The following RNF38 variants were observed in gnomAD, a reference collection of about 807,000 sequenced individuals.
RNF38 encodes the protein E3 ubiquitin-protein ligase RNF38.
RNF38 carries 15 observed loss-of-function variants against 67.2 expected under a neutral mutation model. That is an observed-to-expected ratio of 0.22 (90% CI 0.15 to 0.34). The LOEUF (loss-of-function observed/expected upper bound fraction) is 0.34, where lower values mean the gene tolerates loss of function less well. RNF38 is among the 10% of genes least tolerant of loss of function. The pLI is 1.00. For synonymous variants in RNF38, 220 were observed against 218.8 expected (o/e 1.01, Z -0.05); for missense variants, 524 against 639.9 (o/e 0.82, Z 1.95).
At chr9:36,426,415 TA>T (rs1644396229) in intron 1 of RNF38, among the ~76,000 whole-genome samples, 1 of 152,200 alleles carries the variant, frequency 6.6e-6, no homozygotes, top group African/African-American at 2.4e-5. Context: ...AACAGAATCA[TA>T]AAACATGTGG....
chr9:36,479,785 G>C (rs572237280), intron 1 of RNF38, among the ~76,000 whole-genome samples: 1 of 152,100 alleles, frequency 6.6e-6, no homozygotes, highest in East Asian at 1.9e-4. Flanking sequence ...AAAGCCAAAT[G>C]AAAAATACTT....
rs563262081 is a variant in RNF38 at position 36,338,423 on chromosome 9, A to G, written c.*1329T>C. ...TTAAAAGGAAAGGCAGTAAAATATC[A>G]AAACAAATCAGGTCTAAGGAACATG... On this transcript the variant is annotated 3_prime_UTR_variant, in exon 12 of 12. Transcript: ENST00000259605. 1.3e-5 allele frequency: 2 copies of G among 152,354 alleles called. No homozygotes were observed. The highest frequency in any genetic ancestry group is 2.1e-4 in the South Asian group (1 of 4,830). The allele number at this position is 152,354 out of a possible 1,614,324, so 9.4% of individuals were successfully genotyped here.
Position 36,356,341 on chromosome 9 carries a change from C to T in RNF38, c.871G>A (p.Gly291Ser), listed in dbSNP as rs1834104500. The change falls in exon 6 of 12, where the codon GGC becomes AGC. Residue 291 changes from glycine (G) to serine (S), a missense_variant. Gly to Ser is a moderately conservative substitution (Grantham distance 56). Coordinates refer to ENST00000259605, the MANE Select transcript of RNF38 (RefSeq NM_022781.5). The part of the protein sequence containing the change: ...PHHPPHLPPP[G>S]QFVPFQTQQS... ...TGTGTTTGGAAAGGGACAAACTGGC[C>T]TGGTGGTGGCAAATGAGGAGGATGA... The T allele has an allele frequency of 1.2e-6, 2 of 1,613,762 alleles. No homozygotes were observed. Among genetic ancestry groups the T allele is most frequent in the Non-Finnish European group, 1.7e-6 (2 of 1,179,964 alleles).
chr9:36,357,875 C>T lies in RNF38; in HGVS notation c.638G>A (p.Cys213Tyr), dbSNP rs763407111. The T allele has an allele frequency of 2.5e-6, 4 of 1,613,808 alleles. No individual in the cohort carries two copies. The African/African-American group carries it at 5.3e-5, about 22-fold the overall frequency. ...TTVAPHGIPL[C>Y]TGQHIPACST... The stretch of plus-strand genomic sequence containing the variant: ...ACAAGCAGGGATGTGCTGGCCTGTG[C>T]AGAGTGGAATCCCATGTGGTGCCAC... The change falls in exon 5 of 12, where the codon TGC (cysteine) becomes TAC (tyrosine). Residue 213 changes from cysteine (C) to tyrosine (Y), a missense_variant. Cys to Tyr is a radical substitution (Grantham distance 194). Around this residue, in one of 2 missense-constraint regions of RNF38, gnomAD observed 461 missense variants for 517.4 expected, o/e 0.89. Transcript: ENST00000259605.
At chr9:36,442,052 A>C (rs2134301809) in intron 1 of RNF38, among the ~76,000 whole-genome samples, 1 of 152,252 alleles carries the variant, frequency 6.6e-6, no homozygotes, top group South Asian at 2.1e-4. Context: ...AACCATCAAT[A>C]GCTTCCTCCT....
rs116342697 is a variant in RNF38, at chr9:36,415,625, C to A, written n.312+8988G>T. On this transcript the variant is annotated intron_variant and non_coding_transcript_variant, in intron 2 of 3. Transcript: ENST00000488058. ...AGCCACCTAGTAGAGCTACTGGGGT[C>A]CGGGCTGGTACTGGGGAGTGTCTGC... Among the ~76,000 whole-genome samples, 112 of 152,174 alleles carry A rather than the reference C, an allele frequency of 7.4e-4. 2 individuals carry two copies. In the South Asian group the frequency reaches 0.022, roughly 30 times the overall value.
chr9:36,401,176 T>C (rs1838009403), upstream of RNF38: 2 of 982,358 alleles, frequency 2.0e-6, no homozygotes, highest in Non-Finnish European at 2.4e-6. Flanking sequence ...CGAACCCCCT[T>C]TGTTTCCACC....
At chr9:36,480,014 T>G (rs1156384660) in intron 1 of RNF38, among the ~76,000 whole-genome samples, 1 of 152,166 alleles carries the variant, frequency 6.6e-6, no homozygotes, top group Non-Finnish European at 1.5e-5. Flanking sequence ...AGTCTCACTC[T>G]GTCGCCCAGG....
chr9:36,390,621 G>T lies in RNF38; in HGVS notation c.13-5C>A, dbSNP rs1393784232. On this transcript the variant is annotated splice_region_variant and splice_polypyrimidine_tract_variant and intron_variant, in intron 1 of 11. Coordinates refer to ENST00000259605, the MANE Select transcript of RNF38 (RefSeq NM_022781.5). ...TGAATTGGCCCCGGGAGATATCTGG[G>T]AAAAAGAGGAAGAAAAGGATAGTTC... 6.2e-7 allele frequency: 1 copy of T among 1,613,264 alleles called. No homozygotes were observed. The highest frequency in any genetic ancestry group is 1.3e-5 in the African/African-American group (1 of 74,986).
chr9:36,385,955 G>A (rs998871942), intron 2 of RNF38, among the ~76,000 whole-genome samples: 2 of 152,146 alleles, frequency 1.3e-5, no homozygotes, highest in Non-Finnish European at 2.9e-5. Flanking sequence ...TTTTTGCTGG[G>A]AAAAGCCTTC....
chr9:36,459,152 G>A (rs1409211813), intron 1 of RNF38, among the ~76,000 whole-genome samples: 3 of 147,894 alleles, frequency 2.0e-5, no homozygotes, highest in Non-Finnish European at 4.5e-5. Flanking sequence ...AGGTTGCAGT[G>A]AGCCGAGATC....
rs1246828188 is a variant in RNF38 at position 36,337,680 on chromosome 9, T to C, written c.*2072A>G. On this transcript the variant is annotated 3_prime_UTR_variant, in exon 12 of 12. Transcript: ENST00000259605. ...TTTCATTAAAAAAGATTAAACTATATGTGATTTGTATGTAGCTGATTATTA... is the reference window on the plus strand; with the variant it reads ...TTTCATTAAAAAAGATTAAACTATACGTGATTTGTATGTAGCTGATTATTA... 1.3e-5 allele frequency: 2 copies of C among 152,596 alleles called. No homozygotes were observed. Among genetic ancestry groups the C allele is most frequent in the Non-Finnish European group, 2.9e-5 (2 of 68,032 alleles). The allele number at this position is 152,596 out of a possible 1,614,324, so 9.5% of individuals were successfully genotyped here. A position where few individuals can be genotyped will look rare whatever the true frequency, so the allele number is the denominator to read the frequency against.
intron 2 of RNF38, among the ~76,000 whole-genome samples, chr9:36,422,187 T>A (rs527496736): frequency 9.9e-5 from 15 of 151,946 alleles, no homozygotes; most frequent in Non-Finnish European, 2.1e-4. Context: ...GCTTAGATCT[T>A]GCCACTGCAC....
intron 1 of RNF38, among the ~76,000 whole-genome samples, chr9:36,395,454 C>G (rs1837446696): frequency 6.6e-6 from 1 of 152,010 alleles, no homozygotes. Context: ...CTTCAGCATA[C>G]CAACTGGTCG....
At chr9:36,352,706 A>G in intron 8 of RNF38, 36 bp downstream of exon 8, 1 of 1,436,124 alleles carries the variant, frequency 7.0e-7, no homozygotes, top group Non-Finnish European at 9.8e-7. Flanking sequence ...CAAGAGTTTC[A>G]AAATTCAGAA....
intron 3 of RNF38, among the ~76,000 whole-genome samples, chr9:36,373,469 C>T (rs1200745421): frequency 6.6e-6 from 1 of 151,968 alleles, no homozygotes; most frequent in Non-Finnish European, 1.5e-5. Flanking sequence ...GGAATAATGT[C>T]AAATTCCAGA....
At chr9:36,415,303 G>T (rs1838433729) in intron 2 of RNF38, among the ~76,000 whole-genome samples, 1 of 151,822 alleles carries the variant, frequency 6.6e-6, no homozygotes, top group African/African-American at 2.4e-5. Context: ...CTTCTTTCTT[G>T]TTCAATTCTA....
At chr9:36,427,235 TAAAAG>T (rs1157932849) in intron 1 of RNF38, among the ~76,000 whole-genome samples, 2 of 151,936 alleles carry the variant, frequency 1.3e-5, no homozygotes, top group African/African-American at 2.4e-5. Context: ...AGAAAAGAAA[TAAAAG>T]AAAGAGTTTT....
chr9:36,391,992 G>C (rs569308362), intron 1 of RNF38, among the ~76,000 whole-genome samples: 4 of 152,176 alleles, frequency 2.6e-5, no homozygotes, highest in Non-Finnish European at 5.9e-5. Flanking sequence ...TTATGGTAAC[G>C]CTAGGCACTA....
Sources: gnomAD v4.1 joint callset for allele counts (sites outside exome capture counted in the v4.1 genomes callset) on GRCh38, gnomAD v4.1.1 for gene constraint, gnomAD v4.1.1 regional missense constraint, MANE v1.5 for transcripts, NCBI Gene and HGNC (gene_info 2026-07-23, HGNC 2026-07-21) for gene names.